Variants in ZMAT4 observed in about 807,000 individuals in gnomAD.
ZMAT4 encodes the protein zinc finger matrin-type 4, also known as zinc finger matrin-type protein 4.
ZMAT4 carries 17 observed loss-of-function variants against 28.7 expected under a neutral mutation model. That is an observed-to-expected ratio of 0.59 (90% CI 0.41 to 0.89). The LOEUF (loss-of-function observed/expected upper bound fraction) is 0.89. Ranked by LOEUF, ZMAT4 falls within the 40% of genes least tolerant of loss-of-function variation. The pLI, the probability that ZMAT4 is intolerant of heterozygous loss-of-function variation, is 0.00. For synonymous variants in ZMAT4, 117 were observed against 109.2 expected, an observed-to-expected ratio of 1.07 and a Z score of -0.44; for missense variants, 240 against 283.8, an observed-to-expected ratio of 0.85 and a Z score of 1.11.
chr8:40,682,964 G>A (rs1236216552), intron 4 of ZMAT4, among the ~76,000 whole-genome samples: 2 of 152,064 alleles, frequency 1.3e-5, no homozygotes, highest in Non-Finnish European at 2.9e-5. Context: ...TGTGTTGCTT[G>A]GCAAAAGAAT....
At chr8:40,873,585 G>A (rs1026780791) in intron 1 of ZMAT4, among the ~76,000 whole-genome samples, 1 of 152,144 alleles carries the variant, frequency 6.6e-6, no homozygotes, top group Non-Finnish European at 1.5e-5. Context: ...TCCTTCAAGA[G>A]GTTGATTCCT....
intron 2 of ZMAT4, among the ~76,000 whole-genome samples, 153 bp from the exon 3 acceptor site, chr8:40,767,883 A>T (rs1813229191): frequency 6.6e-6 from 1 of 152,222 alleles, no homozygotes; most frequent in African/African-American, 2.4e-5. Context: ...GTAGTTTCAG[A>T]TAGGTTAAGT....
At position 40,722,315 on chromosome 8, in the gene ZMAT4, G is replaced by A. The variant is rs144825242; in HGVS notation, c.193-24914C>T. On this transcript the variant is annotated intron_variant, in intron 3 of 6. Coordinates refer to ENST00000297737, the MANE Select transcript of ZMAT4 (RefSeq NM_024645.3). Reference sequence around the variant, plus strand: ...TTTTTAAGCTTTAAGGTGACACTGAGGGTGGAGGTTTCCTACACCTTATAT... The same window carrying A: ...TTTTTAAGCTTTAAGGTGACACTGAAGGTGGAGGTTTCCTACACCTTATAT... Among the ~76,000 whole-genome samples the A allele has an allele frequency of 3.4e-3, 519 of 152,332 alleles. 5 individuals carry two copies. Among genetic ancestry groups the A allele is most frequent in the African/African-American group, 0.012 (489 of 41,578 alleles).
intron 3 of ZMAT4, among the ~76,000 whole-genome samples, chr8:40,758,727 G>C (rs916270571): frequency 1.3e-5 from 2 of 152,060 alleles, no homozygotes; most frequent in African/African-American, 4.8e-5. Flanking sequence ...GGAATAAATA[G>C]GATTTTGACC....
rs114201095 is a variant in ZMAT4, at chr8:40,865,738, G to A, written c.-5+31945C>T. 3.6e-3 allele frequency among the ~76,000 whole-genome samples: 546 copies of A among 152,270 alleles called. 4 individuals are homozygous for A. Among genetic ancestry groups the A allele is most frequent in the African/African-American group, 0.013 (522 of 41,552 alleles). On this transcript the variant is annotated intron_variant, in intron 1 of 6. Transcript: ENST00000297737. ...GCCTCAGTTTCTAAAGCTGGGACTC[G>A]AACCCGGACTTTTAGACTCCGTCTT... is the stretch of plus-strand genomic sequence containing the variant.
chr8:40,592,012 C>A (rs933357084), intron 5 of ZMAT4, among the ~76,000 whole-genome samples: 3 of 152,028 alleles, frequency 2.0e-5, no homozygotes, highest in Non-Finnish European at 2.9e-5. Flanking sequence ...AATAGAAGAA[C>A]CCTGTTTCTT....
At chr8:40,587,570 T>G (rs2118566326) in intron 5 of ZMAT4, among the ~76,000 whole-genome samples, 1 of 152,120 alleles carries the variant, frequency 6.6e-6, no homozygotes, top group South Asian at 2.1e-4. Flanking sequence ...TAATTTAAGG[T>G]TGTACACTGT....
intron 2 of ZMAT4, among the ~76,000 whole-genome samples, chr8:40,771,371 G>A (rs547453409): frequency 6.6e-6 from 1 of 151,714 alleles, no homozygotes; most frequent in Admixed American, 6.6e-5. Context: ...TTAGGATATG[G>A]GGAGTATGAC....
chr8:40,685,331 C>G (rs1809354802), intron 4 of ZMAT4, among the ~76,000 whole-genome samples: 1 of 152,136 alleles, frequency 6.6e-6, no homozygotes, highest in South Asian at 2.1e-4. Context: ...CACTGCTTCT[C>G]CAATTGAGCA....
chr8:40,771,137 G>T (rs11777035), intron 2 of ZMAT4, among the ~76,000 whole-genome samples: 1 of 151,538 alleles, frequency 6.6e-6, no homozygotes, highest in African/African-American at 2.4e-5. Flanking sequence ...AGGGAGAATT[G>T]CGGGGGGGAA....
intron 5 of ZMAT4, among the ~76,000 whole-genome samples, chr8:40,608,672 G>C (rs1034433534): frequency 6.6e-6 from 1 of 152,264 alleles, no homozygotes; most frequent in African/African-American, 2.4e-5. Context: ...TCCTTCCTCA[G>C]CTCCACTGGC....
chr8:40,707,291 G>A (rs997539634), intron 3 of ZMAT4, among the ~76,000 whole-genome samples: 2 of 137,430 alleles, frequency 1.5e-5, no homozygotes, highest in Non-Finnish European at 3.0e-5. Context: ...CAATTATTTG[G>A]GCTGAAAAGG....
intron 2 of ZMAT4, among the ~76,000 whole-genome samples, chr8:40,784,307 C>G (rs1203351134): frequency 6.6e-6 from 1 of 152,092 alleles, no homozygotes; most frequent in Non-Finnish European, 1.5e-5. Flanking sequence ...AATAGACTAA[C>G]AGAAGAAAAA....
At chr8:40,601,747 G>A (rs1307618864) in intron 5 of ZMAT4, among the ~76,000 whole-genome samples, 1 of 151,886 alleles carries the variant, frequency 6.6e-6, no homozygotes, top group African/African-American at 2.4e-5. Context: ...AGGCAGGCAG[G>A]CAGGCAAAGG....
chr8:40,614,050 T>C (rs1457764446), intron 5 of ZMAT4, among the ~76,000 whole-genome samples: 1 of 152,256 alleles, frequency 6.6e-6, no homozygotes, highest in Non-Finnish European at 1.5e-5. Context: ...GGTCACCTTC[T>C]GTGTCATCTT....
intron 3 of ZMAT4, among the ~76,000 whole-genome samples, chr8:40,720,556 C>A (rs2150516348): frequency 8.1e-6 from 1 of 123,754 alleles, no homozygotes; most frequent in South Asian, 2.8e-4. Flanking sequence ...GAGATGGAGT[C>A]TTGCTCTGTC....
At chr8:40,751,868 AT>A (rs572390397) in intron 3 of ZMAT4, among the ~76,000 whole-genome samples, 245 of 152,342 alleles carry the variant, frequency 1.6e-3, no homozygotes, top group African/African-American at 5.5e-3. Context: ...ATAGGGCAGT[AT>A]TATGAAAATA....
chr8:40,552,438 G>A (rs1273359774), intron 6 of ZMAT4, among the ~76,000 whole-genome samples: 1 of 152,078 alleles, frequency 6.6e-6, no homozygotes, highest in East Asian at 1.9e-4. Context: ...AAGTCTTTAT[G>A]TCCTCTCCCT....
At chr8:40,835,983 G>C (rs1816466616) in intron 1 of ZMAT4, among the ~76,000 whole-genome samples, 1 of 152,152 alleles carries the variant, frequency 6.6e-6, no homozygotes, top group Non-Finnish European at 1.5e-5. Flanking sequence ...GAAGATACAG[G>C]AATTTAAATG....
Sources: gnomAD v4.1 joint callset for allele counts (sites outside exome capture counted in the v4.1 genomes callset) on GRCh38, gnomAD v4.1.1 for gene constraint, MANE v1.5 for transcripts, NCBI Gene and HGNC (gene_info 2026-07-23, HGNC 2026-07-21) for gene names.